Variants in IQCB1 observed in about 807,000 individuals in gnomAD.
IQCB1 encodes IQ calmodulin-binding motif-containing protein 1.
A neutral mutation model predicts 84.4 loss-of-function variants in IQCB1; 56 were observed. The observed-to-expected ratio is 0.66, with a 90% CI of 0.54 to 0.83. The LOEUF (loss-of-function observed/expected upper bound fraction) is 0.83. IQCB1 is among the 40% of genes least tolerant of loss of function. The probability of loss-of-function intolerance (pLI) is 0.00; values close to 1 mark genes in which losing one functional copy is unlikely to be tolerated. For missense variants in IQCB1, 629 were observed against 682.1 expected, an observed-to-expected ratio of 0.92 and a Z score of 0.87; for synonymous variants, 210 against 234.8, an observed-to-expected ratio of 0.89 and a Z score of 0.96.
At chr3:121,825,061 CTTTTTTTTTTT>C (rs1553721684) in intron 5 of IQCB1, among the ~76,000 whole-genome samples, 1 of 83,776 alleles carries the variant, frequency 1.2e-5, no homozygotes, top group African/African-American at 4.4e-5. Flanking sequence ...TTTTTCTTTT[CTTTTTTTTTTT>C]TTTTTCAGAT....
In IQCB1 at chr3:121,808,985, G is replaced by T; in HGVS notation, c.418C>A (p.His140Asn). The change falls in exon 6 of 15, where the codon CAC becomes AAC. Residue 140 changes from histidine (H) to asparagine (N), a missense_variant. Coordinates refer to ENST00000310864, the MANE Select transcript of IQCB1 (RefSeq NM_001023570.4). ...GAATCAGTCACAATTTGGAAAAAGT[G>T]TAGTAATTCATCTTTTTCTTCAGCC... is the stretch of plus-strand genomic sequence containing the variant. The part of the protein sequence containing the change: ...AKAEEKDELL[H>N]FFQIVTDSLF... 6.2e-7 allele frequency: 1 copy of T among 1,606,516 alleles called. No homozygotes were observed.
intron 13 of IQCB1, among the ~76,000 whole-genome samples, chr3:121,781,293 A>C (rs1018797987): frequency 2.0e-5 from 3 of 152,188 alleles, no homozygotes; most frequent in Non-Finnish European, 4.4e-5. Context: ...TAAAGGTGCT[A>C]GCAGTATTAT....
At chr3:121,803,523 A>C (rs199929507) in intron 7 of IQCB1, among the ~76,000 whole-genome samples, 3 of 86,690 alleles carry the variant, frequency 3.5e-5, no homozygotes, top group Non-Finnish European at 7.2e-5. Flanking sequence ...TGGTCATACT[A>C]ATTTTTTTGT....
Position 121,822,484 on chromosome 3 carries a change from C to T in IQCB1, c.393+3567G>A, listed in dbSNP as rs140498672. Among the ~76,000 whole-genome samples the T allele has an allele frequency of 1.6e-3, 249 of 152,274 alleles. 1 individual carries two copies. Among genetic ancestry groups the T allele is most frequent in the Admixed American group, 4.9e-3 (75 of 15,294 alleles). The stretch of plus-strand genomic sequence containing the variant: ...AGTACAGAGCTTCAAAATCTATATA[C>T]AAACTTCCATTGAATTCTTGACTCT... On this transcript the variant is annotated intron_variant, in intron 5 of 14. Transcript: ENST00000310864.
intron 5 of IQCB1, among the ~76,000 whole-genome samples, chr3:121,814,581 T>A (rs1333305508): frequency 6.6e-6 from 1 of 152,098 alleles, no homozygotes; most frequent in Non-Finnish European, 1.5e-5. Flanking sequence ...ATAAAGGGGA[T>A]ATCACCACTG....
At chr3:121,787,612 G>T (rs1043739310) in intron 12 of IQCB1, among the ~76,000 whole-genome samples, 5 of 152,064 alleles carry the variant, frequency 3.3e-5, no homozygotes, top group African/African-American at 1.2e-4. Flanking sequence ...TTAGATGGGT[G>T]TGGTGGTGCA....
At chr3:121,823,476 T>C (rs1576612197) in intron 5 of IQCB1, among the ~76,000 whole-genome samples, 1 of 151,990 alleles carries the variant, frequency 6.6e-6, no homozygotes, top group African/African-American at 2.4e-5. Context: ...AGGTGCAATA[T>C]GTATAGGAGA....
chr3:121,823,190 T>A (rs552601543), intron 5 of IQCB1, among the ~76,000 whole-genome samples: 1 of 61,696 alleles, frequency 1.6e-5, no homozygotes, highest in East Asian at 8.4e-4. Flanking sequence ...TTATCGAAAC[T>A]GAAGTAAACA....
At chr3:121,823,727 GC>G (rs1333375975) in intron 5 of IQCB1, among the ~76,000 whole-genome samples, 3 of 152,150 alleles carry the variant, frequency 2.0e-5, no homozygotes, top group Non-Finnish European at 4.4e-5. Context: ...AGGTTGTCAG[GC>G]TTAAAGGAAA....
At chr3:121,792,343 T>C (rs1426749660) in intron 10 of IQCB1, among the ~76,000 whole-genome samples, 2 of 151,838 alleles carry the variant, frequency 1.3e-5, no homozygotes, top group Non-Finnish European at 2.9e-5. Flanking sequence ...GGAAGTAAAG[T>C]ACAAACCAGA....
At chr3:121,816,843 C>A (rs1054143370) in intron 5 of IQCB1, among the ~76,000 whole-genome samples, 2 of 152,190 alleles carry the variant, frequency 1.3e-5, no homozygotes, top group Admixed American at 6.5e-5. Context: ...CTGTGGAAGA[C>A]AGTGTGGCGA....
chr3:121,774,221 A>G (rs1267463040), intron 13 of IQCB1, among the ~76,000 whole-genome samples: 1 of 152,228 alleles, frequency 6.6e-6, no homozygotes, highest in Non-Finnish European at 1.5e-5. Context: ...AGTTCAAACC[A>G]TAAGATACAA....
intron 2 of IQCB1, among the ~76,000 whole-genome samples, chr3:121,833,106 A>G (rs532026051): frequency 1.6e-4 from 25 of 152,332 alleles, no homozygotes; most frequent in Non-Finnish European, 2.6e-4. Flanking sequence ...CAACCTACCT[A>G]TCCCTTAGAG....
At chr3:121,801,985 G>T (rs994958548) in intron 7 of IQCB1, among the ~76,000 whole-genome samples, 25 of 151,624 alleles carry the variant, frequency 1.6e-4, no homozygotes, top group African/African-American at 5.6e-4. Flanking sequence ...GGATAAACCA[G>T]AATTATTCAT....
At chr3:121,834,672 C>T (rs1268816435) in intron 1 of IQCB1, among the ~76,000 whole-genome samples, 193 bp from the exon 2 acceptor site, 2 of 152,188 alleles carry the variant, frequency 1.3e-5, no homozygotes, top group Non-Finnish European at 2.9e-5. Context: ...AGCGTCGCTT[C>T]AAGTCTAAGG....
intron 2 of IQCB1, chr3:121,833,848 T>C (rs540485678): frequency 7.2e-6 from 1 of 138,964 alleles, no homozygotes; most frequent in Non-Finnish European, 1.5e-5. Flanking sequence ...AAATGTAGTA[T>C]AAGTGTAGAG....
At chr3:121,802,105 T>A (rs1230192732) in intron 7 of IQCB1, among the ~76,000 whole-genome samples, 1 of 152,064 alleles carries the variant, frequency 6.6e-6, no homozygotes, top group African/African-American at 2.4e-5. Context: ...TTTCTTATAA[T>A]GTCTTTGTTT....
Position 121,793,071 on chromosome 3 carries a change from T to C in IQCB1, c.986+2386A>G, listed in dbSNP as rs185617579. The stretch of plus-strand genomic sequence containing the variant: ...CAAATTTTCTGCTGCCAAGACACTG[T>C]GCCTCAGAGGGAGAGAGAGAAAAAA... On this transcript the variant is annotated intron_variant, in intron 10 of 14. Coordinates refer to ENST00000310864, the MANE Select transcript of IQCB1 (RefSeq NM_001023570.4). Among the ~76,000 whole-genome samples, 543 of 152,298 alleles carry C rather than the reference T, an allele frequency of 3.6e-3. 3 individuals are homozygous for C. The highest frequency in any genetic ancestry group is 0.013 in the African/African-American group (520 of 41,556).
rs1576616726 is a variant in IQCB1, at chr3:121,826,052, T to C, written c.392A>G (p.Lys131Arg). 6.2e-7 allele frequency: 1 copy of C among 1,612,228 alleles called. No homozygotes were observed. ...QLQTCFINAA[K>R]AEEKDELLHF... is the part of the protein sequence containing the mutation. ...ACAAAAGACTAAATAAACACATACC[T>C]TAGCTGCATTGATAAAACATGTTTG... The change falls in exon 5 of 15, where the codon AAG (lysine) becomes AGG (arginine). Residue 131 changes from lysine to arginine, a missense_variant and splice_region_variant. Transcript: ENST00000310864.
Sources: gnomAD v4.1 joint callset for allele counts (sites outside exome capture counted in the v4.1 genomes callset) on GRCh38, gnomAD v4.1.1 for gene constraint, MANE v1.5 for transcripts, NCBI Gene and HGNC (gene_info 2026-07-23, HGNC 2026-07-21) for gene names.